The following SOX5 variants were observed in gnomAD, a reference collection of about 807,000 sequenced individuals.
The protein encoded by SOX5 is SRY-box transcription factor 5, also known as transcription factor SOX-5.
A neutral mutation model predicts 92.0 loss-of-function variants in SOX5; 9 were observed. The observed-to-expected ratio is 0.10, with a 90% CI of 0.06 to 0.17. The LOEUF (loss-of-function observed/expected upper bound fraction) is 0.17. Among genes scored for constraint, SOX5 ranks in the 10% least tolerant of loss-of-function variants. The pLI is 1.00. For missense variants in SOX5, 642 were observed against 944.5 expected (o/e 0.68, Z 4.20); for synonymous variants, 344 against 336.3 (o/e 1.02, Z -0.25).
chr12:24,072,675 C>A (rs1438888789), intron 4 of SOX5, among the ~76,000 whole-genome samples: 2 of 152,164 alleles, frequency 1.3e-5, no homozygotes, highest in Non-Finnish European at 2.9e-5. Flanking sequence ...TTGTCAACTT[C>A]TCCAGTAGAC....
At chr12:23,933,400 G>A (rs915231333) in intron 1 of SOX5, among the ~76,000 whole-genome samples, 13 of 151,560 alleles carry the variant, frequency 8.6e-5, no homozygotes, top group African/African-American at 3.1e-4. Flanking sequence ...GCAGATAAGC[G>A]GGACCTACTG....
At chr12:24,258,662 CTAAAG>C (rs1258542261) in intron 3 of SOX5, among the ~76,000 whole-genome samples, 2 of 152,096 alleles carry the variant, frequency 1.3e-5, no homozygotes, top group Non-Finnish European at 2.9e-5. Context: ...GGAAAATAAA[CTAAAG>C]TAAAGTTGAT....
At chr12:24,144,880 A>G (rs1205511432) in intron 4 of SOX5, among the ~76,000 whole-genome samples, 1 of 152,036 alleles carries the variant, frequency 6.6e-6, no homozygotes, top group African/African-American at 2.4e-5. Flanking sequence ...ATGGAAATAT[A>G]CTATTTGAAA....
intron 1 of SOX5, among the ~76,000 whole-genome samples, chr12:24,485,844 C>T (rs1946462670): frequency 6.6e-6 from 1 of 152,082 alleles, no homozygotes; most frequent in African/African-American, 2.4e-5. Context: ...CAGTACATGC[C>T]TCCTGCCAAT....
chr12:23,852,814 C>T (rs572113205), intron 2 of SOX5, among the ~76,000 whole-genome samples: 6 of 152,144 alleles, frequency 3.9e-5, no homozygotes, highest in African/African-American at 7.2e-5. Flanking sequence ...TCAGGCCTCA[C>T]CCCAGACTTC....
rs568965707 is a variant in SOX5 at position 23,893,402 on chromosome 12, C to T, written c.270+2391G>A. Among the ~76,000 whole-genome samples, 418 of 151,790 alleles carry T rather than the reference C, an allele frequency of 2.8e-3. 3 individuals carry two copies. The highest frequency in any genetic ancestry group is 9.4e-3 in the African/African-American group (390 of 41,402). ...TGGAGGTTGCAGTGAGCTGAGATCG[C>T]GCCACTGCTCTCCAGCCTGGTGACA... is the stretch of plus-strand genomic sequence containing the variant. On this transcript the variant is annotated intron_variant, in intron 2 of 14. Coordinates refer to ENST00000451604, the MANE Select transcript of SOX5 (RefSeq NM_006940.6).
intron 1 of SOX5, among the ~76,000 whole-genome samples, chr12:24,430,040 C>CT (rs1462758955): frequency 6.6e-6 from 1 of 152,086 alleles, no homozygotes; most frequent in African/African-American, 2.4e-5. Flanking sequence ...TACTCTAAAA[C>CT]TTATATTACT....
chr12:24,507,028 G>A (rs7304608), intron 1 of SOX5, among the ~76,000 whole-genome samples: 103,800 of 151,054 alleles, frequency 0.69, 37,668 homozygotes, highest in East Asian at 0.97. Flanking sequence ...CTGACCTCGT[G>A]ATCCGCCCGC....
intron 3 of SOX5, among the ~76,000 whole-genome samples, chr12:23,808,829 A>G (rs762208684): frequency 5.3e-5 from 8 of 152,162 alleles, no homozygotes; most frequent in Non-Finnish European, 8.8e-5. Flanking sequence ...ATTCTAGCAC[A>G]TATGTGTGAG....
intron 1 of SOX5, among the ~76,000 whole-genome samples, chr12:23,925,779 A>T (rs1484185225): frequency 6.6e-6 from 1 of 152,160 alleles, no homozygotes; most frequent in African/African-American, 2.4e-5. Context: ...AACTGATCTT[A>T]GAAACAAACT....
At chr12:24,171,704 A>G (rs1249622872) in intron 4 of SOX5, among the ~76,000 whole-genome samples, 1 of 152,086 alleles carries the variant, frequency 6.6e-6, no homozygotes, top group Non-Finnish European at 1.5e-5. Context: ...GCATATAAAG[A>G]AGGGACCCTT....
chr12:23,717,222 T>C (rs1249404618), intron 6 of SOX5, among the ~76,000 whole-genome samples: 1 of 152,226 alleles, frequency 6.6e-6, no homozygotes, highest in Non-Finnish European at 1.5e-5. Context: ...TCTACCTTAT[T>C]GATATCAACT....
chr12:23,791,666 T>TA (rs1215538758), intron 3 of SOX5, among the ~76,000 whole-genome samples: 2 of 151,840 alleles, frequency 1.3e-5, no homozygotes, highest in East Asian at 1.9e-4. Context: ...CTTTAACCAA[T>TA]AAAAAAAATC....
chr12:24,017,113 T>C (rs1030425467), intron 4 of SOX5, among the ~76,000 whole-genome samples: 11 of 152,198 alleles, frequency 7.2e-5, no homozygotes, highest in African/African-American at 2.7e-4. Context: ...CCATTTAACA[T>C]CTCTTTAAAC....
chr12:23,866,836 T>C (rs764726134), intron 2 of SOX5, among the ~76,000 whole-genome samples: 1 of 152,178 alleles, frequency 6.6e-6, no homozygotes, highest in Non-Finnish European at 1.5e-5. Flanking sequence ...CTCATTTCTT[T>C]CTAATTTCCC....
At chr12:23,536,756 G>C (rs1940557379) in intron 13 of SOX5, 87 bp from the exon 14 acceptor site, 1 of 1,061,704 alleles carries the variant, frequency 9.4e-7, no homozygotes, top group African/African-American at 1.6e-5. Context: ...AAAATCTAAA[G>C]TTGAGATGTT....
At chr12:24,125,134 C>T (rs1190127322) in intron 4 of SOX5, among the ~76,000 whole-genome samples, 1 of 152,192 alleles carries the variant, frequency 6.6e-6, no homozygotes, top group Admixed American at 6.5e-5. Context: ...TACAATTCCC[C>T]ATTGTAAAAC....
At chr12:24,212,116 G>A (rs554364052) in intron 4 of SOX5, among the ~76,000 whole-genome samples, 1 of 152,258 alleles carries the variant, frequency 6.6e-6, no homozygotes, top group East Asian at 1.9e-4. Flanking sequence ...CTTTTTGCAG[G>A]ACTCTTACCA....
At chr12:24,295,733 T>G (rs968863577) in intron 2 of SOX5, among the ~76,000 whole-genome samples, 2 of 59,184 alleles carry the variant, frequency 3.4e-5, no homozygotes, top group African/African-American at 8.6e-5. Context: ...ATCTGGCTAA[T>G]TTTTGTAGTT....
Sources: allele counts gnomAD v4.1 joint callset (sites outside exome capture counted in the v4.1 genomes callset), GRCh38; gene constraint gnomAD v4.1.1; transcripts MANE v1.5; gene names NCBI Gene and HGNC (gene_info 2026-07-23, HGNC 2026-07-21).